The following UBR3 variants were observed in gnomAD, a reference collection of about 807,000 sequenced individuals.
UBR3 encodes ubiquitin protein ligase E3 component n-recognin 3, also known as E3 ubiquitin-protein ligase UBR3.
In UBR3, 85 loss-of-function variants were observed where a neutral mutation model predicts 243.2. The observed-to-expected ratio is 0.35, with a 90% CI of 0.29 to 0.42. UBR3 has a LOEUF of 0.42. Among genes scored for constraint, UBR3 ranks in the 10% least tolerant of loss-of-function variants. The pLI, the probability that UBR3 is intolerant of heterozygous loss-of-function variation, is 1.00. For missense variants in UBR3, 1,686 were observed against 2,300.8 expected, an observed-to-expected ratio of 0.73 and a Z score of 5.47; for synonymous variants, 748 against 799.8, an observed-to-expected ratio of 0.94 and a Z score of 1.09.
At position 169,836,070 on chromosome 2, in the gene UBR3, T is replaced by A. The variant is rs1303604870; in HGVS notation, c.545+8018T>A. ...ATATATATATATATATATATATATT[T>A]TTTTTTTTTTTTTTTTTTTTTTTGA... On this transcript the variant is annotated intron_variant, in intron 1 of 38. Transcript: ENST00000272793. Among the ~76,000 whole-genome samples, 82 of 57,628 alleles carry A rather than the reference T, an allele frequency of 1.4e-3. 4 individuals carry two copies. The highest frequency in any genetic ancestry group is 4.8e-3 in the African/African-American group (62 of 13,002). 37.8% of individuals were successfully genotyped at this position (57,628 alleles called of 152,430 possible).
At chr2:169,987,723 A>G (rs1426451436) in intron 25 of UBR3, among the ~76,000 whole-genome samples, 1 of 152,080 alleles carries the variant, frequency 6.6e-6, no homozygotes, top group Non-Finnish European at 1.5e-5. Flanking sequence ...CAACAAGAGT[A>G]TGTGTAAAAT....
At chr2:170,026,507 C>T (rs2105420108) in intron 30 of UBR3, among the ~76,000 whole-genome samples, 1 of 151,952 alleles carries the variant, frequency 6.6e-6, no homozygotes, top group Non-Finnish European at 1.5e-5. Context: ...GACTGTAAAA[C>T]TAAGGTTAGG....
At position 169,827,594 on chromosome 2, in the gene UBR3, G is replaced by A; in HGVS notation, c.87G>A (p.Ala29=). 1 of 1,254,354 alleles carries A rather than the reference G, an allele frequency of 8.0e-7. No individual in the cohort carries two copies. 77.7% of individuals were successfully genotyped at this position (1,254,354 alleles called of 1,614,324 possible). Residue 29 remains alanine (A), a synonymous_variant, in exon 1 of 39, where the codon GCG becomes GCA. Transcript: ENST00000272793. ...CGCCGGGGCTGGCCCTAGACAAGGC[G>A]GCCACCGCCGCGCACCTCAAGGCGG... ...LPAPGLALDK[A]ATAAHLKAAL...
rs2085933113 is a variant in UBR3, at chr2:169,926,986, T to C, written c.2338+15T>C. 6.5e-7 allele frequency: 1 copy of C among 1,545,856 alleles called. No homozygotes were observed. Among genetic ancestry groups the C allele is most frequent in the African/African-American group, 1.4e-5 (1 of 72,954 alleles). Reference sequence around the variant, plus strand: ...TTTACATTTAGGTAAAACTCACTGATACTAATACTTATGCATTAACTGTTT... The same window carrying C: ...TTTACATTTAGGTAAAACTCACTGACACTAATACTTATGCATTAACTGTTT... On this transcript the variant is annotated intron_variant, in intron 16 of 38. Transcript: ENST00000272793.
At chr2:169,836,067 A>ATAT (rs1558999159) in intron 1 of UBR3, among the ~76,000 whole-genome samples, 6 of 32,666 alleles carry the variant, frequency 1.8e-4, no homozygotes, top group Non-Finnish European at 2.0e-4. Flanking sequence ...ATATATATAT[A>ATAT]TTTTTTTTTT....
chr2:170,044,534 G>A (rs1053642070), intron 32 of UBR3, among the ~76,000 whole-genome samples: 64 of 151,918 alleles, frequency 4.2e-4, no homozygotes, highest in African/African-American at 1.4e-3. Context: ...GAATAAACTC[G>A]GAAGTAACTT....
chr2:169,971,152 G>A (rs555124891), intron 24 of UBR3, among the ~76,000 whole-genome samples: 5 of 151,826 alleles, frequency 3.3e-5, no homozygotes, highest in East Asian at 3.9e-4. Flanking sequence ...CACGTCCTTC[G>A]CCCACTTTTT....
chr2:170,028,950 G>A (rs970247644), intron 30 of UBR3, among the ~76,000 whole-genome samples: 5 of 151,950 alleles, frequency 3.3e-5, no homozygotes, highest in Non-Finnish European at 7.4e-5. Context: ...CTAACAGTGA[G>A]TTATTAGGAT....
At chr2:169,866,849 C>T (rs2083282486) in intron 1 of UBR3, among the ~76,000 whole-genome samples, 1 of 152,192 alleles carries the variant, frequency 6.6e-6, no homozygotes, top group African/African-American at 2.4e-5. Flanking sequence ...GAAAATCCAT[C>T]TCTGCACTGT....
chr2:169,976,611 G>C (rs143545697), intron 24 of UBR3, among the ~76,000 whole-genome samples: 1 of 152,084 alleles, frequency 6.6e-6, no homozygotes. Context: ...TAAGGTTTTT[G>C]CTGAGAAATC....
intron 1 of UBR3, among the ~76,000 whole-genome samples, chr2:169,852,935 A>C (rs2082714528): frequency 6.6e-6 from 1 of 151,348 alleles, no homozygotes; most frequent in Non-Finnish European, 1.5e-5. Flanking sequence ...GGATATATAA[A>C]TTTATGTTTT....
At chr2:169,875,712 AG>A in intron 2 of UBR3, 78 bp from the exon 3 acceptor site, 1 of 1,229,888 alleles carries the variant, frequency 8.1e-7, no homozygotes, top group Non-Finnish European at 1.1e-6. Context: ...TAATTTTAAA[AG>A]AATAAATACT....
At chr2:169,891,611 G>GAC (rs202022960) in intron 6 of UBR3, among the ~76,000 whole-genome samples, 62 of 82,298 alleles carry the variant, frequency 7.5e-4, no homozygotes, top group Non-Finnish European at 1.1e-3. Context: ...GAGAGAGACA[G>GAC]AGACACACAC....
intron 29 of UBR3, among the ~76,000 whole-genome samples, chr2:170,009,807 G>GT (rs1485035342): frequency 6.6e-6 from 1 of 151,882 alleles, no homozygotes; most frequent in Non-Finnish European, 1.5e-5. Context: ...AAGGTTTACT[G>GT]TTTTTTTCAA....
chr2:169,850,311 T>C (rs1169858654), intron 1 of UBR3, among the ~76,000 whole-genome samples: 1 of 151,264 alleles, frequency 6.6e-6, no homozygotes, highest in Non-Finnish European at 1.5e-5. Flanking sequence ...CCCAAGTGGC[T>C]GGGACTAGAG....
At chr2:170,061,208 A>T in intron 34 of UBR3, 22 bp downstream of exon 34, 1 of 1,582,160 alleles carries the variant, frequency 6.3e-7, no homozygotes, top group South Asian at 1.2e-5. Flanking sequence ...CAAAAATCAG[A>T]TGTAGCGGTT....
At chr2:170,053,256 C>T (rs991639805) in intron 32 of UBR3, among the ~76,000 whole-genome samples, 2 of 152,098 alleles carry the variant, frequency 1.3e-5, no homozygotes, top group African/African-American at 4.8e-5. Flanking sequence ...TGGTTTATGC[C>T]GAATGTACCT....
At chr2:169,948,142 A>T (rs2086858549) in intron 22 of UBR3, among the ~76,000 whole-genome samples, 1 of 151,714 alleles carries the variant, frequency 6.6e-6, no homozygotes, top group Non-Finnish European at 1.5e-5. Flanking sequence ...TATTGAGCTT[A>T]AAAATAATAC....
Position 169,942,600 on chromosome 2 carries a change from C to T in UBR3, c.2771C>T (p.Thr924Ile). The T allele has an allele frequency of 1.9e-6, 3 of 1,549,664 alleles. No individual in the cohort carries two copies. Among genetic ancestry groups the T allele is most frequent in the Non-Finnish European group, 2.6e-6 (3 of 1,146,498 alleles). ...CTTATGAGACTTTTGCACTGTAAAA[C>T]TTTACACATTGTGCTATTCACTCTG... ...KGLMRLLHCK[T>I]LHIVLFTLLY... The change falls in exon 20 of 39, where the codon ACT becomes ATT. Residue 924 changes from threonine (T) to isoleucine (I), a missense_variant. By Grantham distance (89) the Thr-to-Ile change is moderately conservative (BLOSUM62 -1). This residue lies in a region of UBR3 where 300 missense variants were observed against 314.4 expected (regional missense o/e 0.95). Transcript: ENST00000272793.
Sources: gnomAD v4.1 joint callset for allele counts (sites outside exome capture counted in the v4.1 genomes callset) on GRCh38, gnomAD v4.1.1 for gene constraint, gnomAD v4.1.1 regional missense constraint, MANE v1.5 for transcripts, NCBI Gene and HGNC (gene_info 2026-07-23, HGNC 2026-07-21) for gene names.